The following ARID1B variants were observed in gnomAD, a reference collection of about 807,000 sequenced individuals.
ARID1B encodes the protein AT-rich interaction domain 1B.
Under a neutral mutation model 212.3 loss-of-function variants are expected in ARID1B, and 30 were observed. That is an observed-to-expected ratio of 0.14 (90% CI 0.11 to 0.19). The LOEUF (loss-of-function observed/expected upper bound fraction) is 0.19, where lower values mean the gene tolerates loss of function less well. Among genes scored for constraint, ARID1B ranks in the 10% least tolerant of loss-of-function variants. The probability of loss-of-function intolerance (pLI) is 1.00; values close to 1 mark genes in which losing one functional copy is unlikely to be tolerated. For synonymous variants in ARID1B, 1,402 were observed against 1,301.7 expected, an observed-to-expected ratio of 1.08 and a Z score of -1.66; for missense variants, 2,891 against 3,204.0, an observed-to-expected ratio of 0.90 and a Z score of 2.36.
At chr6:157,040,139 C>T (rs1781780397) in intron 4 of ARID1B, among the ~76,000 whole-genome samples, 3 of 152,204 alleles carry the variant, frequency 2.0e-5, no homozygotes, top group South Asian at 4.1e-4. Flanking sequence ...GGGGTTTCAC[C>T]ATGTTGGCCA....
At chr6:157,035,853 T>C (rs1781293540) in intron 4 of ARID1B, among the ~76,000 whole-genome samples, 1 of 152,238 alleles carries the variant, frequency 6.6e-6, no homozygotes, top group Non-Finnish European at 1.5e-5. Context: ...TTAACTTTCA[T>C]ACTGGATGAA....
At chr6:157,128,226 A>C (rs1430130378) in intron 6 of ARID1B, among the ~76,000 whole-genome samples, 2 of 152,234 alleles carry the variant, frequency 1.3e-5, no homozygotes, top group Non-Finnish European at 2.9e-5. Flanking sequence ...ACCTTTAAAA[A>C]TATCCATAAT....
chr6:157,133,302 G>T, intron 7 of ARID1B, 95 bp downstream of exon 7: 2 of 1,333,888 alleles, frequency 1.5e-6, no homozygotes, highest in South Asian at 3.2e-5. Flanking sequence ...TAAACATATC[G>T]TAAGATCCAT....
At chr6:156,997,566 T>C (rs2128419770) in intron 4 of ARID1B, among the ~76,000 whole-genome samples, 1 of 152,254 alleles carries the variant, frequency 6.6e-6, no homozygotes, top group South Asian at 2.1e-4. Context: ...TTATCCTCTC[T>C]ATGTAAGAAG....
At chr6:156,959,103 T>C (rs1371643848) in intron 4 of ARID1B, among the ~76,000 whole-genome samples, 1 of 152,224 alleles carries the variant, frequency 6.6e-6, no homozygotes, top group Non-Finnish European at 1.5e-5. Flanking sequence ...CAAAATGAAA[T>C]GTTTTCCTCT....
intron 15 of ARID1B, chr6:157,193,700 T>C (rs1041794878): frequency 2.6e-5 from 4 of 152,286 alleles, no homozygotes; most frequent in African/African-American, 9.6e-5. Context: ...GGCAGATGGA[T>C]TTCAAGAGGG....
At chr6:157,154,994 A>G (rs1045040406) in intron 8 of ARID1B, among the ~76,000 whole-genome samples, 1 of 152,204 alleles carries the variant, frequency 6.6e-6, no homozygotes. Context: ...GAAACCAAAT[A>G]GTAACGAGTA....
intron 5 of ARID1B, among the ~76,000 whole-genome samples, chr6:157,087,274 C>T (rs930661302): frequency 1.3e-5 from 2 of 152,152 alleles, no homozygotes; most frequent in Non-Finnish European, 2.9e-5. Context: ...TTAGTATATT[C>T]GCCATGGAGT....
chr6:157,052,543 T>C (rs1207644357), intron 4 of ARID1B, among the ~76,000 whole-genome samples: 2 of 152,218 alleles, frequency 1.3e-5, no homozygotes, highest in Admixed American at 1.3e-4. Context: ...TGGACTCTTG[T>C]AGCTGTGTAA....
intron 4 of ARID1B, among the ~76,000 whole-genome samples, chr6:156,948,963 A>G (rs1165655813): frequency 1.3e-5 from 2 of 152,244 alleles, no homozygotes; most frequent in Non-Finnish European, 2.9e-5. Context: ...AGTCTTGACT[A>G]TTTGAAAGTT....
intron 4 of ARID1B, among the ~76,000 whole-genome samples, chr6:157,045,090 A>G (rs1296078797): frequency 1.3e-5 from 2 of 152,250 alleles, no homozygotes; most frequent in African/African-American, 2.4e-5. Flanking sequence ...GTAGAGTGCT[A>G]TAAAGCAGAG....
chr6:157,047,308 C>T (rs558745318), intron 4 of ARID1B, among the ~76,000 whole-genome samples: 6 of 152,192 alleles, frequency 3.9e-5, no homozygotes, highest in Admixed American at 3.9e-4. Flanking sequence ...GCCAGAAAGC[C>T]CAGCAAAGAA....
chr6:156,895,755 C>CA (rs1491341751), intron 2 of ARID1B, among the ~76,000 whole-genome samples: 5 of 151,938 alleles, frequency 3.3e-5, no homozygotes, highest in Non-Finnish European at 7.4e-5. Context: ...CACACACACA[C>CA]CCACATACAC....
chr6:157,069,862 T>A (rs1783902057), intron 4 of ARID1B, among the ~76,000 whole-genome samples: 1 of 152,322 alleles, frequency 6.6e-6, no homozygotes, highest in African/African-American at 2.4e-5. Flanking sequence ...ACTGACTAGG[T>A]AACTACATGA....
chr6:156,802,835 G>A (rs772759679), intron 1 of ARID1B, among the ~76,000 whole-genome samples: 26 of 152,198 alleles, frequency 1.7e-4, no homozygotes, highest in Non-Finnish European at 3.5e-4. Context: ...AAGCAAAGAG[G>A]TGGATGAATA....
At chr6:156,925,879 C>G in intron 3 of ARID1B, among the ~76,000 whole-genome samples, 1 of 152,144 alleles carries the variant, frequency 6.6e-6, no homozygotes, top group Non-Finnish European at 1.5e-5. Context: ...CACCATGAGC[C>G]TGAGATAGAC....
intron 4 of ARID1B, among the ~76,000 whole-genome samples, chr6:157,060,218 G>A (rs1783250487): frequency 6.6e-6 from 1 of 152,174 alleles, no homozygotes; most frequent in Admixed American, 6.5e-5. Flanking sequence ...AGTTCTTAAG[G>A]TAAATTATAT....
At chr6:157,154,588 T>TG (rs1224548696) in intron 8 of ARID1B, among the ~76,000 whole-genome samples, 13 of 144,588 alleles carry the variant, frequency 9.0e-5, no homozygotes, top group African/African-American at 2.8e-4. Context: ...TTGTTTTTTT[T>TG]TTTTTTTTTT....
chr6:157,203,737 T>G lies in ARID1B; in HGVS notation c.5264-129T>G. ...GGAAATGATCACGCTTAACTGTCCTTGAGAGCATTTGTTTAAAGTCAATAT... is the reference window on the plus strand; with the variant it reads ...GGAAATGATCACGCTTAACTGTCCTGGAGAGCATTTGTTTAAAGTCAATAT... On this transcript the variant is annotated intron_variant, in intron 18 of 19. Transcript: ENST00000636930. This position sits in a 1 kb window ranked among gnomAD's most constrained non-coding sequence, Gnocchi z 4.4. The G allele has an allele frequency of 8.6e-7, 1 of 1,164,996 alleles. No individual in the cohort carries two copies. Among genetic ancestry groups the G allele is most frequent in the Non-Finnish European group, 1.2e-6 (1 of 801,406 alleles). 72.2% of individuals were successfully genotyped at this position (1,164,996 alleles called of 1,614,324 possible).
Sources: gnomAD v4.1 joint callset for allele counts (sites outside exome capture counted in the v4.1 genomes callset) on GRCh38, gnomAD v4.1.1 for gene constraint, Gnocchi (gnomAD v3.1) non-coding constraint, MANE v1.5 for transcripts, NCBI Gene and HGNC (gene_info 2026-07-23, HGNC 2026-07-21) for gene names.